EGFR: variants seen among roughly 807,000 people sequenced by gnomAD.
EGFR encodes the protein epidermal growth factor receptor, also known as avian erythroblastic leukemia viral (v-erb-b) oncogene homolog.
EGFR carries 58 observed loss-of-function variants against 143.0 expected under a neutral mutation model. The observed-to-expected ratio is 0.41, with a 90% confidence interval of 0.33 to 0.50. The LOEUF is 0.50. EGFR is among the 20% of genes least tolerant of loss of function. The pLI, the probability that EGFR is intolerant of heterozygous loss-of-function variation, is 0.39. For missense variants in EGFR, 1,307 were observed against 1,579.0 expected, an observed-to-expected ratio of 0.83 and a Z score of 2.92; for synonymous variants, 613 against 594.4, an observed-to-expected ratio of 1.03 and a Z score of -0.45.
intron 1 of EGFR, among the ~76,000 whole-genome samples, chr7:55,039,527 G>A (rs1159571635): frequency 1.3e-5 from 2 of 152,208 alleles, no homozygotes; most frequent in South Asian, 2.1e-4. Context: ...GAGGCACAGA[G>A]CATGTCAGGT....
At chr7:55,021,568 T>C (rs929835405) in intron 1 of EGFR, among the ~76,000 whole-genome samples, 2 of 152,222 alleles carry the variant, frequency 1.3e-5, no homozygotes, top group Admixed American at 6.5e-5. Flanking sequence ...GCTATTCCAT[T>C]ACAGTAACAT....
In EGFR at chr7:55,044,139, T is replaced by A. The variant is rs575129644; in HGVS notation, c.88+24774T>A. ...TGCTTTTCTTTTTTCTTCTTACTTT[T>A]TCCTGTCTTGGCAATGCAAGGATGC... On this transcript the variant is annotated intron_variant, in intron 1 of 27. Coordinates refer to ENST00000275493, the MANE Select transcript of EGFR (RefSeq NM_005228.5). The A allele has an allele frequency of 2.6e-5, 4 of 152,356 alleles. No homozygotes were observed. The South Asian group carries it at 8.3e-4, about 32-fold the overall frequency. The allele number at this position is 152,356 out of a possible 1,614,324, so 9.4% of individuals were successfully genotyped here.
In EGFR at chr7:55,032,605, G is replaced by C. The variant is rs149400666; in HGVS notation, c.88+13240G>C. 4.7e-3 allele frequency among the ~76,000 whole-genome samples: 721 copies of C among 152,184 alleles called. 5 individuals carry two copies. Among genetic ancestry groups the C allele is most frequent in the South Asian group, 0.03 (143 of 4,818 alleles). ...TCAGGGACAGCTAGCTTTGCTGGCT[G>C]GTTAAGTTGATGATTCCATCTTTGC... On this transcript the variant is annotated intron_variant, in intron 1 of 27. Coordinates refer to ENST00000275493, the MANE Select transcript of EGFR (RefSeq NM_005228.5).
chr7:55,094,343 T>C (rs1257886708), intron 1 of EGFR, among the ~76,000 whole-genome samples: 2 of 152,100 alleles, frequency 1.3e-5, no homozygotes, highest in African/African-American at 2.4e-5. Flanking sequence ...TCCTGAGCTG[T>C]GGGCTGCCAG....
At chr7:55,061,161 C>G (rs1015231561) in intron 1 of EGFR, among the ~76,000 whole-genome samples, 2 of 152,176 alleles carry the variant, frequency 1.3e-5, no homozygotes, top group Admixed American at 6.5e-5. Context: ...GGATTTCATT[C>G]CTTTTATGTA....
In EGFR at chr7:55,160,294, G is replaced by A. The variant is rs982033612; in HGVS notation, c.1454G>A (p.Gly485Asp). ...INWKKLFGTSGQKTKIISNRG... is the reference protein window; with the variant it reads ...INWKKLFGTSDQKTKIISNRG... ...TGGAAAAAACTGTTTGGGACCTCCG[G>A]TCAGAAAACCAAAATTATAAGCAAC... The change falls in exon 12 of 28, where the codon GGT becomes GAT. Residue 485 changes from glycine (G) to aspartate (D), a missense_variant. By Grantham distance (94) the Gly-to-Asp change is moderately conservative (BLOSUM62 -1). Around this residue, in one of 7 missense-constraint regions of EGFR, gnomAD observed 250 missense variants for 295.1 expected, o/e 0.85. Transcript: ENST00000275493. 6.2e-7 allele frequency: 1 copy of A among 1,613,898 alleles called. No individual in the cohort carries two copies. The highest frequency in any genetic ancestry group is 8.5e-7 in the Non-Finnish European group (1 of 1,179,976).
intron 5 of EGFR, among the ~76,000 whole-genome samples, chr7:55,152,143 C>G (rs41424746): frequency 6.6e-6 from 1 of 152,188 alleles, no homozygotes; most frequent in African/African-American, 2.4e-5. Flanking sequence ...CTGGCTCAGC[C>G]TCTCAGTGGC....
At position 55,181,335 on chromosome 7, in the gene EGFR, C is replaced by T. The variant is rs1275022697; in HGVS notation, c.2326C>T (p.Arg776Cys). ...CAGCGTGGACAACCCCCACGTGTGCCGCCTGCTGGGCATCTGCCTCACCTC... is the reference window on the plus strand; with the variant it reads ...CAGCGTGGACAACCCCCACGTGTGCTGCCTGCTGGGCATCTGCCTCACCTC... ...MASVDNPHVC[R>C]LLGICLTSTV... is the part of the protein sequence containing the mutation. Residue 776 changes from arginine to cysteine, a missense_variant, in exon 20 of 28, where the codon CGC (arginine) becomes TGC (cysteine). Transcript: ENST00000275493. The T allele has an allele frequency of 1.2e-6, 2 of 1,614,098 alleles. No individual in the cohort carries two copies. Among genetic ancestry groups the T allele is most frequent in the Non-Finnish European group, 1.7e-6 (2 of 1,180,050 alleles).
At chr7:55,121,406 G>C (rs982478153) in intron 1 of EGFR, among the ~76,000 whole-genome samples, 13 of 152,206 alleles carry the variant, frequency 8.5e-5, no homozygotes, top group African/African-American at 3.1e-4. Flanking sequence ...GTGGCATTGT[G>C]TGTTACCCTT....
chr7:55,057,796 T>G (rs908863985), intron 1 of EGFR, among the ~76,000 whole-genome samples: 1 of 152,184 alleles, frequency 6.6e-6, no homozygotes, highest in Admixed American at 6.5e-5. Context: ...CACATTTAAG[T>G]GAGGTTAGCG....
chr7:55,129,654 AAC>A (rs1409794125), intron 1 of EGFR, among the ~76,000 whole-genome samples: 1 of 152,286 alleles, frequency 6.6e-6, no homozygotes, highest in African/African-American at 2.4e-5. Flanking sequence ...CCTGCACACA[AAC>A]ACACACAAAT....
chr7:55,180,812 C>T (rs567217119), intron 19 of EGFR: 3 of 196,186 alleles, frequency 1.5e-5, no homozygotes, highest in South Asian at 1.0e-4. Context: ...TTCTCCATCG[C>T]TTGTCCTCTG....
intron 1 of EGFR, among the ~76,000 whole-genome samples, chr7:55,106,884 AC>A (rs1461807521): frequency 3.9e-5 from 6 of 152,200 alleles, no homozygotes; most frequent in Non-Finnish European, 8.8e-5. Context: ...TCAAGACATT[AC>A]CTTATTACCC....
At chr7:55,169,158 T>G (rs1188328636) in intron 15 of EGFR, among the ~76,000 whole-genome samples, 27 of 151,698 alleles carry the variant, frequency 1.8e-4, no homozygotes, top group Admixed American at 1.3e-3. Context: ...TGGAGTGCAG[T>G]GCCGTGATCT....
rs1788176571 is a variant in EGFR, at chr7:55,209,002, G to C, written c.*3385G>C. The C allele has an allele frequency of 6.6e-6, 1 of 152,104 alleles. No homozygotes were observed. The highest frequency in any genetic ancestry group is 1.5e-5 in the Non-Finnish European group (1 of 68,010). The allele number at this position is 152,104 out of a possible 1,614,324, so 9.4% of individuals were successfully genotyped here. ...GGATCTACTTGGCACTCGCTGGGGG[G>C]CCACCCCCCAGTGCCACTCTCACTA... On this transcript the variant is annotated 3_prime_UTR_variant, in exon 28 of 28. Coordinates refer to ENST00000275493, the MANE Select transcript of EGFR (RefSeq NM_005228.5).
intron 1 of EGFR, among the ~76,000 whole-genome samples, chr7:55,027,012 G>A (rs7784637): frequency 0.021 from 3,179 of 152,220 alleles, 59 homozygotes; most frequent in Middle Eastern, 0.051. Flanking sequence ...GGCAGGCCCC[G>A]GTCTGTGCAC....
chr7:55,054,993 C>T lies in EGFR; in HGVS notation c.88+35628C>T, dbSNP rs17335829. The stretch of plus-strand genomic sequence containing the variant: ...TCCTGCCCTTCACTGGGGAGCTGCC[C>T]TCCTGTTCACAGCGGCACCTGAGTC... On this transcript the variant is annotated intron_variant, in intron 1 of 27. Coordinates refer to ENST00000275493, the MANE Select transcript of EGFR (RefSeq NM_005228.5). Among the ~76,000 whole-genome samples, 1,051 of 152,314 alleles carry T rather than the reference C, an allele frequency of 6.9e-3. 8 individuals carry two copies. The highest frequency in any genetic ancestry group is 9.9e-3 in the Non-Finnish European group (676 of 68,032).
chr7:55,031,023 T>C (rs1787214155), intron 1 of EGFR, among the ~76,000 whole-genome samples: 1 of 152,254 alleles, frequency 6.6e-6, no homozygotes, highest in South Asian at 2.1e-4. Flanking sequence ...TGTTTTGTTA[T>C]TGTTTATTCC....
At chr7:55,019,403 G>T in intron 1 of EGFR, 38 bp downstream of exon 1, 1 of 1,336,182 alleles carries the variant, frequency 7.5e-7, no homozygotes, top group Non-Finnish European at 9.8e-7. Flanking sequence ...GCCGCCCCCG[G>T]ATCGCGCCCC....
Sources: allele counts gnomAD v4.1 joint callset (sites outside exome capture counted in the v4.1 genomes callset), GRCh38; gene constraint gnomAD v4.1.1; regional missense constraint gnomAD v4.1.1; transcripts MANE v1.5; gene names NCBI Gene and HGNC (gene_info 2026-07-23, HGNC 2026-07-21).